Variants in PCDHGA6 observed in about 807,000 individuals in gnomAD.
PCDHGA6 encodes protocadherin gamma-A6.
Under a neutral mutation model 60.6 loss-of-function variants are expected in PCDHGA6, and 41 were observed. That is an observed-to-expected ratio of 0.68 (90% confidence interval 0.53 to 0.88). The LOEUF (loss-of-function observed/expected upper bound fraction) is 0.88. PCDHGA6 is among the 40% of genes least tolerant of loss of function. The probability of loss-of-function intolerance (pLI) is 0.00; values close to 1 mark genes in which losing one functional copy is unlikely to be tolerated. For missense variants in PCDHGA6, 1,312 were observed against 1,203.0 expected, an observed-to-expected ratio of 1.09 and a Z score of -1.34; for synonymous variants, 594 against 524.4, an observed-to-expected ratio of 1.13 and a Z score of -1.81.
At chr5:141,430,379 T>C (rs1174248880) in intron 1 of PCDHGA6, among the ~76,000 whole-genome samples, 1 of 149,570 alleles carries the variant, frequency 6.7e-6, no homozygotes, top group Non-Finnish European at 1.5e-5. Flanking sequence ...AAAAAGCTCA[T>C]TGGGAAAAAA....
At chr5:141,415,552 G>A in intron 1 of PCDHGA6, 1 of 1,614,098 alleles carries the variant, frequency 6.2e-7, no homozygotes, top group Admixed American at 1.7e-5. Context: ...TGAGAAAAAC[G>A]ATCCTTTGTC....
intron 1 of PCDHGA6, chr5:141,414,886 C>T (rs374779316): frequency 1.4e-5 from 22 of 1,614,120 alleles, no homozygotes; most frequent in African/African-American, 2.7e-5. Context: ...GTACCCCGCC[C>T]TCCCCACAGA....
At chr5:141,409,954 C>T (rs774233531) in intron 1 of PCDHGA6, 3 of 1,613,356 alleles carry the variant, frequency 1.9e-6, no homozygotes, top group South Asian at 1.1e-5. Flanking sequence ...CTGCAGAGCC[C>T]GGCTACCTAG....
At chr5:141,384,879 C>T (rs771003299) in intron 1 of PCDHGA6, 1 of 1,613,874 alleles carries the variant, frequency 6.2e-7, no homozygotes, top group Middle Eastern at 1.6e-4. Context: ...CCGTCACACT[C>T]ACCGTGGCTG....
Position 141,476,873 on chromosome 5 carries a change from G to A in PCDHGA6, c.2425-17934G>A. 1.9e-6 allele frequency: 3 copies of A among 1,613,936 alleles called. No homozygotes were observed. Among genetic ancestry groups the A allele is most frequent in the Non-Finnish European group, 2.5e-6 (3 of 1,180,038 alleles). Reference sequence around the variant, plus strand: ...CAACCAGTCCTTGTACCGGGCGCGCGTCCTGGAGGATGCACCCTCCGGCAC... The same window carrying A: ...CAACCAGTCCTTGTACCGGGCGCGCATCCTGGAGGATGCACCCTCCGGCAC... On this transcript the variant is annotated intron_variant, in intron 1 of 3. Transcript: ENST00000517434. The surrounding 1 kb of genome is among the most constrained non-coding windows in gnomAD (Gnocchi z 7.6).
chr5:141,499,725 C>T (rs554409998), intron 2 of PCDHGA6, among the ~76,000 whole-genome samples: 3 of 138,474 alleles, frequency 2.2e-5, no homozygotes, highest in African/African-American at 5.4e-5. Context: ...GACAGAGTCT[C>T]ACTCTCTTGC....
intron 1 of PCDHGA6, among the ~76,000 whole-genome samples, chr5:141,405,840 A>G (rs1005736499): frequency 6.6e-6 from 1 of 152,188 alleles, no homozygotes; most frequent in African/African-American, 2.4e-5. Flanking sequence ...GTATAAGTTG[A>G]TATCAGTGTG....
Position 141,412,979 on chromosome 5 carries a change from C to G in PCDHGA6, c.2424+36472C>G, listed in dbSNP as rs2154544283. ...CACCTACTAGGAGAGAAAACGCAGCCAGAGCTCAATCCGGATTCTCAGGGC... is the reference window on the plus strand; with the variant it reads ...CACCTACTAGGAGAGAAAACGCAGCGAGAGCTCAATCCGGATTCTCAGGGC... On this transcript the variant is annotated intron_variant, in intron 1 of 3. Coordinates refer to ENST00000517434, the MANE Select transcript of PCDHGA6 (RefSeq NM_018919.3). 5.5e-6 allele frequency: 3 copies of G among 542,930 alleles called. No individual in the cohort carries two copies. In the East Asian group the frequency reaches 9.2e-5, roughly 17 times the overall value. 33.6% of individuals were successfully genotyped at this position (542,930 alleles called of 1,614,324 possible). A position where few individuals can be genotyped will look rare whatever the true frequency, so the allele number is the denominator to read the frequency against.
intron 1 of PCDHGA6, chr5:141,403,257 G>A: frequency 6.2e-7 from 1 of 1,613,902 alleles, no homozygotes; most frequent in Non-Finnish European, 8.5e-7. Flanking sequence ...AGCCCGCGGT[G>A]TCTGGTGAAC....
chr5:141,394,138 T>C (rs1360282699), intron 1 of PCDHGA6: 1 of 1,613,860 alleles, frequency 6.2e-7, no homozygotes. Flanking sequence ...GCTCTGCACG[T>C]GGCAGACATT....
chr5:141,423,699 T>C, intron 1 of PCDHGA6: 1 of 1,469,146 alleles, frequency 6.8e-7, no homozygotes, highest in East Asian at 2.5e-5. Context: ...GTTGGTGTCT[T>C]GGCACAAGTC....
chr5:141,501,902 C>G (rs2154593013), intron 2 of PCDHGA6, among the ~76,000 whole-genome samples: 1 of 152,202 alleles, frequency 6.6e-6, no homozygotes, highest in East Asian at 1.9e-4. Flanking sequence ...GGTTCCAACC[C>G]CACTGTTCCA....
chr5:141,418,013 A>C (rs769578436), intron 1 of PCDHGA6: 2 of 1,613,906 alleles, frequency 1.2e-6, no homozygotes, highest in African/African-American at 2.7e-5. Flanking sequence ...GAACCTCGCT[A>C]AGGATCTAGG....
At chr5:141,394,300 T>A (rs753637808) in intron 1 of PCDHGA6, 1 of 1,613,938 alleles carries the variant, frequency 6.2e-7, no homozygotes, top group Admixed American at 1.7e-5. Context: ...GAGGACACGC[T>A]GCAGGGGGCG....
rs775132338 is a variant in PCDHGA6 at position 141,490,858 on chromosome 5, G to A, written c.2425-3949G>A. On this transcript the variant is annotated intron_variant, in intron 1 of 3. Coordinates refer to ENST00000517434, the MANE Select transcript of PCDHGA6 (RefSeq NM_018919.3). This position sits in a 1 kb window ranked among gnomAD's most constrained non-coding sequence, Gnocchi z 5.4. Reference sequence around the variant, plus strand: ...GATTGTGGTGGGGGTTCGAGACTCCGGCTCTCCCCCATTGCATGCCAACAC... The same window carrying A: ...GATTGTGGTGGGGGTTCGAGACTCCAGCTCTCCCCCATTGCATGCCAACAC... 14 of 1,613,704 alleles carry A rather than the reference G, an allele frequency of 8.7e-6. No homozygotes were observed. Among genetic ancestry groups the A allele is most frequent in the South Asian group, 2.2e-5 (2 of 91,068 alleles).
chr5:141,431,375 G>C lies in PCDHGA6; in HGVS notation c.2424+54868G>C. ...ACGCGCCCTGGACCGCGAAGAAAAG[G>C]CTGCTCACCACCTGGTCCTTACGGC... On this transcript the variant is annotated intron_variant, in intron 1 of 3. Transcript: ENST00000517434. This position sits in a 1 kb window ranked among gnomAD's most constrained non-coding sequence, Gnocchi z 4.8. 6.2e-7 allele frequency: 1 copy of C among 1,613,422 alleles called. No individual in the cohort carries two copies. The highest frequency in any genetic ancestry group is 8.5e-7 in the Non-Finnish European group (1 of 1,179,570).
At chr5:141,392,571 G>A (rs920993262) in intron 1 of PCDHGA6, 5 of 449,626 alleles carry the variant, frequency 1.1e-5, no homozygotes, top group African/African-American at 1.0e-4. Flanking sequence ...TAACTATTTA[G>A]GACTGTAAGC....
At chr5:141,450,729 C>T (rs370122389) in intron 1 of PCDHGA6, among the ~76,000 whole-genome samples, 3 of 152,048 alleles carry the variant, frequency 2.0e-5, no homozygotes, top group Non-Finnish European at 2.9e-5. Context: ...TCAGGTGATC[C>T]GCCCGCCTTG....
rs556415227 is a variant in PCDHGA6, at chr5:141,476,903, G to A, written c.2425-17904G>A. ...GGAGGATGCACCCTCCGGCACGCGC[G>A]TGGTACAAGTCCTTGCAACGGATCT... On this transcript the variant is annotated intron_variant, in intron 1 of 3. Transcript: ENST00000517434. This position sits in a 1 kb window ranked among gnomAD's most constrained non-coding sequence, Gnocchi z 7.6. The A allele has an allele frequency of 1.4e-5, 22 of 1,614,018 alleles. No homozygotes were observed. In the African/African-American group the frequency reaches 1.7e-4, roughly 13 times the overall value.
Sources: allele counts gnomAD v4.1 joint callset (sites outside exome capture counted in the v4.1 genomes callset), GRCh38; gene constraint gnomAD v4.1.1; non-coding constraint Gnocchi (gnomAD v3.1); transcripts MANE v1.5; gene names NCBI Gene and HGNC (gene_info 2026-07-23, HGNC 2026-07-21).